The following MIPOL1 variants were observed in gnomAD, a reference collection of about 807,000 sequenced individuals.
The protein encoded by MIPOL1 is mirror-image polydactyly 1, also known as mirror-image polydactyly gene 1 protein.
A neutral mutation model predicts 60.9 loss-of-function variants in MIPOL1; 57 were observed. The ratio of observed to expected loss-of-function variants is 0.94; its 90% confidence interval spans 0.76 to 1.17. MIPOL1 has a LOEUF of 1.17. Among genes scored for constraint, MIPOL1 ranks in the 50% most tolerant of loss-of-function variants. The pLI is 0.00. For synonymous variants in MIPOL1, 179 were observed against 168.8 expected (o/e 1.06, Z -0.47); for missense variants, 551 against 511.6 (o/e 1.08, Z -0.74).
chr14:37,480,136 C>A (rs1180236231), intron 11 of MIPOL1, among the ~76,000 whole-genome samples: 1 of 152,072 alleles, frequency 6.6e-6, no homozygotes, highest in Non-Finnish European at 1.5e-5. Context: ...CTTCTCTAAT[C>A]CTTCTACTAA....
intron 10 of MIPOL1, among the ~76,000 whole-genome samples, chr14:37,391,562 A>AT (rs1393555712): frequency 1.3e-5 from 2 of 151,658 alleles, no homozygotes; most frequent in African/African-American, 4.8e-5. Flanking sequence ...CGTCCAGCTA[A>AT]TTTTTTTATT....
At chr14:37,516,811 A>G (rs2095372653) in intron 12 of MIPOL1, among the ~76,000 whole-genome samples, 1 of 152,170 alleles carries the variant, frequency 6.6e-6, no homozygotes, top group Admixed American at 6.6e-5. Flanking sequence ...AAACTATATT[A>G]TACTTGGTTA....
At chr14:37,329,407 A>G (rs1431587602) in intron 9 of MIPOL1, among the ~76,000 whole-genome samples, 1 of 152,178 alleles carries the variant, frequency 6.6e-6, no homozygotes, top group Non-Finnish European at 1.5e-5. Context: ...ATGTTCAGAA[A>G]TAATTTGAGT....
At chr14:37,344,445 G>A (rs922529461) in intron 9 of MIPOL1, among the ~76,000 whole-genome samples, 3 of 150,668 alleles carry the variant, frequency 2.0e-5, no homozygotes, top group African/African-American at 4.9e-5. Flanking sequence ...TTTTTTCCGA[G>A]TATCCAAATA....
Position 37,369,514 on chromosome 14 carries a change from C to G in MIPOL1, c.829-3C>G. 1 of 1,605,716 alleles carries G rather than the reference C, an allele frequency of 6.2e-7. No homozygotes were observed. The highest frequency in any genetic ancestry group is 8.5e-7 in the Non-Finnish European group (1 of 1,174,220). The stretch of plus-strand genomic sequence containing the variant: ...ACTTAATGGGATTCTTCCCCTGTGG[C>G]AGTGCAAACGGTTAGAGCAGGAGCT... On this transcript the variant is annotated splice_region_variant and splice_polypyrimidine_tract_variant and intron_variant, in intron 9 of 12. Transcript: ENST00000684589.
chr14:37,503,288 G>C (rs2095239895), intron 12 of MIPOL1: 2 of 152,100 alleles, frequency 1.3e-5, no homozygotes, highest in Non-Finnish European at 2.9e-5. Context: ...TCCTTGAGAA[G>C]AGCAAACCCA....
chr14:37,448,427 G>A (rs1316678240), intron 11 of MIPOL1, among the ~76,000 whole-genome samples: 1 of 152,162 alleles, frequency 6.6e-6, no homozygotes, highest in Admixed American at 6.5e-5. Flanking sequence ...ATCACTAGCA[G>A]GAAATCCTGT....
intron 11 of MIPOL1, among the ~76,000 whole-genome samples, chr14:37,487,714 T>C: frequency 6.6e-6 from 1 of 152,204 alleles, no homozygotes; most frequent in East Asian, 1.9e-4. Context: ...TGCATCTATT[T>C]GTTTCTTCTC....
At chr14:37,295,233 A>T (rs1211685422) in intron 7 of MIPOL1, among the ~76,000 whole-genome samples, 2 of 152,120 alleles carry the variant, frequency 1.3e-5, no homozygotes, top group Non-Finnish European at 2.9e-5. Flanking sequence ...GAAATAAAAT[A>T]CTTCACAGAC....
Position 37,450,661 on chromosome 14 carries a change from CT to C in MIPOL1, c.1031+27714del, listed in dbSNP as rs1175289008. Among the ~76,000 whole-genome samples, 21 of 152,052 alleles carry C rather than the reference CT, an allele frequency of 1.4e-4. No individual in the cohort carries two copies. In the East Asian group the frequency reaches 3.9e-3, roughly 28 times the overall value. On this transcript the variant is annotated intron_variant, in intron 11 of 12. Coordinates refer to ENST00000684589, the MANE Select transcript of MIPOL1 (RefSeq NM_001388067.1). ...TGGCTTTCATCTCTGAGAAATTTTC[CT>C]TAATATTATTTGATAGTTTTCTCTT...
chr14:37,198,802 G>A (rs1964754821), intron 1 of MIPOL1, among the ~76,000 whole-genome samples: 1 of 152,042 alleles, frequency 6.6e-6, no homozygotes. Flanking sequence ...CCAAAACAAA[G>A]GGCCAAACAA....
rs529051665 is a variant in MIPOL1 at position 37,464,446 on chromosome 14, C to T, written c.1032-35462C>T. The stretch of plus-strand genomic sequence containing the variant: ...CATTTGGAGCAACATAGATGGATCT[C>T]GAGGTCATTATCCTAAGAGAAATAA... On this transcript the variant is annotated intron_variant, in intron 11 of 12. Transcript: ENST00000684589. Among the ~76,000 whole-genome samples, 60 of 152,244 alleles carry T rather than the reference C, an allele frequency of 3.9e-4. No homozygotes were observed. The Middle Eastern group carries it at 0.01, about 26-fold the overall frequency.
intron 12 of MIPOL1, among the ~76,000 whole-genome samples, chr14:37,509,618 C>G (rs1422576315): frequency 2.0e-5 from 3 of 151,276 alleles, no homozygotes; most frequent in Non-Finnish European, 4.4e-5. Context: ...TATATACATA[C>G]ACATTATAGT....
intron 1 of MIPOL1, among the ~76,000 whole-genome samples, chr14:37,204,074 G>A (rs994919255): frequency 3.3e-5 from 5 of 151,804 alleles, no homozygotes; most frequent in African/African-American, 7.3e-5. Flanking sequence ...GAGCCACTGC[G>A]CCCAGCCCCC....
At chr14:37,367,477 A>C (rs1190906419) in intron 9 of MIPOL1, among the ~76,000 whole-genome samples, 2 of 152,010 alleles carry the variant, frequency 1.3e-5, no homozygotes, top group East Asian at 1.9e-4. Context: ...GGTGATTTCT[A>C]ATTTATTTGG....
chr14:37,338,074 G>T (rs2090309270), intron 9 of MIPOL1, among the ~76,000 whole-genome samples: 1 of 150,246 alleles, frequency 6.7e-6, no homozygotes. Flanking sequence ...TCAGTCTTTT[G>T]CATATGACAG....
chr14:37,488,809 T>C (rs1258070994), intron 11 of MIPOL1, among the ~76,000 whole-genome samples: 1 of 152,228 alleles, frequency 6.6e-6, no homozygotes, highest in Non-Finnish European at 1.5e-5. Flanking sequence ...AGAGATCTGC[T>C]GTTAGTCTGA....
At chr14:37,320,699 C>G (rs1296775149) in intron 9 of MIPOL1, among the ~76,000 whole-genome samples, 2 of 151,978 alleles carry the variant, frequency 1.3e-5, no homozygotes, top group African/African-American at 4.8e-5. Context: ...TGAACATGTT[C>G]TACTGTGCTT....
intron 1 of MIPOL1, among the ~76,000 whole-genome samples, chr14:37,234,085 G>A (rs1236519047): frequency 6.6e-6 from 1 of 152,168 alleles, no homozygotes; most frequent in Non-Finnish European, 1.5e-5. Context: ...TGAAAGCTCT[G>A]CTGTTGTCTG....
Sources: gnomAD v4.1 joint callset for allele counts (sites outside exome capture counted in the v4.1 genomes callset) on GRCh38, gnomAD v4.1.1 for gene constraint, MANE v1.5 for transcripts, NCBI Gene and HGNC (gene_info 2026-07-23, HGNC 2026-07-21) for gene names.